The following CLEC16A variants were observed in gnomAD, a reference collection of about 807,000 sequenced individuals.
CLEC16A encodes C-type lectin domain containing 16A.
Under a neutral mutation model 109.5 loss-of-function variants are expected in CLEC16A, and 51 were observed. That is an observed-to-expected ratio of 0.47 (90% CI 0.37 to 0.59). The LOEUF is 0.59. CLEC16A is among the 20% of genes least tolerant of loss of function. The probability of loss-of-function intolerance (pLI) is 0.00; values close to 1 mark genes in which losing one functional copy is unlikely to be tolerated. For synonymous variants in CLEC16A, 673 were observed against 564.2 expected (o/e 1.19, Z -2.73); for missense variants, 1,339 against 1,394.0 (o/e 0.96, Z 0.63).
intron 19 of CLEC16A, among the ~76,000 whole-genome samples, chr16:11,075,317 G>A (rs2049286758): frequency 6.6e-6 from 1 of 152,072 alleles, no homozygotes; most frequent in Admixed American, 6.6e-5. Flanking sequence ...GGGCTTCCAG[G>A]GAGGGGCAGG....
chr16:10,967,213 G>C (rs993566468), intron 3 of CLEC16A, among the ~76,000 whole-genome samples: 92 of 152,296 alleles, frequency 6.0e-4, no homozygotes, highest in Non-Finnish European at 2.5e-4. Flanking sequence ...CCACACTGTG[G>C]CTTCCATCAC....
At chr16:11,034,129 T>C (rs2046894879) in intron 13 of CLEC16A, among the ~76,000 whole-genome samples, 1 of 152,232 alleles carries the variant, frequency 6.6e-6, no homozygotes, top group Non-Finnish European at 1.5e-5. Context: ...TGAAAGGTAA[T>C]AGGCTAAAGG....
intron 9 of CLEC16A, among the ~76,000 whole-genome samples, chr16:10,982,118 C>A (rs971010614): frequency 2.6e-5 from 4 of 152,204 alleles, no homozygotes; most frequent in African/African-American, 9.6e-5. Context: ...CACCCTCTTG[C>A]CTTTACATTT....
At chr16:11,078,010 T>TGTGTGTGTGTG (rs2049486702) in intron 19 of CLEC16A, among the ~76,000 whole-genome samples, 4 of 140,196 alleles carry the variant, frequency 2.9e-5, no homozygotes, top group African/African-American at 1.1e-4. Flanking sequence ...TGTGTGTGTG[T>TGTGTGTGTGTG]TTAGAGAAAT....
intron 22 of CLEC16A, among the ~76,000 whole-genome samples, chr16:11,146,649 A>G (rs1253913775): frequency 6.6e-6 from 1 of 151,078 alleles, no homozygotes; most frequent in Non-Finnish European, 1.5e-5. Context: ...GTGTACAGGG[A>G]TAGATAGAAG....
At chr16:11,011,785 A>G (rs2045432365) in intron 11 of CLEC16A, among the ~76,000 whole-genome samples, 1 of 152,102 alleles carries the variant, frequency 6.6e-6, no homozygotes, top group Non-Finnish European at 1.5e-5. Flanking sequence ...TATTTTAGAA[A>G]TCATATGTTC....
At chr16:10,981,801 GACATCTGTCAGGGGTTCTTA>G (rs2043336149) in intron 9 of CLEC16A, among the ~76,000 whole-genome samples, 1 of 152,236 alleles carries the variant, frequency 6.6e-6, no homozygotes, top group South Asian at 2.1e-4. Context: ...TCCTAACAGA[GACATCTGTCAGGGGTTCTTA>G]ACTAGGGGCA....
intron 1 of CLEC16A, among the ~76,000 whole-genome samples, 189 bp from the exon 2 acceptor site, chr16:10,957,593 T>A (rs1361205873): frequency 6.6e-6 from 1 of 152,254 alleles, no homozygotes; most frequent in East Asian, 1.9e-4. Context: ...TGTCCTTGGT[T>A]TAACCCTTCA....
chr16:11,109,528 C>A (rs1436825309), intron 19 of CLEC16A, among the ~76,000 whole-genome samples: 1 of 152,162 alleles, frequency 6.6e-6, no homozygotes, highest in Non-Finnish European at 1.5e-5. Flanking sequence ...CCGGTGAAAG[C>A]CAGCAATGCT....
At chr16:11,053,699 G>C (rs985644045) in intron 18 of CLEC16A, among the ~76,000 whole-genome samples, 27 of 152,150 alleles carry the variant, frequency 1.8e-4, no homozygotes, top group African/African-American at 6.0e-4. Context: ...TGCATGGAGA[G>C]GTCTGGTGAT....
At chr16:11,144,332 G>C (rs2053964089) in intron 22 of CLEC16A, among the ~76,000 whole-genome samples, 1 of 152,218 alleles carries the variant, frequency 6.6e-6, no homozygotes, top group Non-Finnish European at 1.5e-5. Context: ...GGCCTGCTCA[G>C]CTCAGCATAG....
At chr16:11,060,709 C>G (rs2048434573) in intron 18 of CLEC16A, among the ~76,000 whole-genome samples, 193 bp from the exon 19 acceptor site, 1 of 145,018 alleles carries the variant, frequency 6.9e-6, no homozygotes, top group Non-Finnish European at 1.5e-5. Context: ...AAACAGGCTA[C>G]TCCCCCTTTG....
In CLEC16A at chr16:11,041,899, C is replaced by A. The variant is rs545919138; in HGVS notation, c.1661-355C>A. 129 of 200,452 alleles carry A rather than the reference C, an allele frequency of 6.4e-4. 3 individuals carry two copies. The South Asian group carries it at 0.012, about 18-fold the overall frequency. 12.4% of individuals were successfully genotyped at this position (200,452 alleles called of 1,614,324 possible). A position where few individuals can be genotyped will look rare whatever the true frequency, so the allele number is the denominator to read the frequency against. ...TGGAACGGGGAAGGAGGATCAGCTC[C>A]ACCCAAATCACATGACCCAGAGTGG... On this transcript the variant is annotated intron_variant, in intron 14 of 23. Coordinates refer to ENST00000409790, the MANE Select transcript of CLEC16A (RefSeq NM_015226.3).
At chr16:11,008,521 C>T (rs1567188269) in intron 11 of CLEC16A, among the ~76,000 whole-genome samples, 1 of 152,070 alleles carries the variant, frequency 6.6e-6, no homozygotes, top group African/African-American at 2.4e-5. Flanking sequence ...TGCTGAGGGC[C>T]CTCAGGACTC....
chr16:11,008,826 TAA>T (rs35514760), intron 11 of CLEC16A, among the ~76,000 whole-genome samples: 103 of 86,266 alleles, frequency 1.2e-3, no homozygotes, highest in African/African-American at 3.7e-3. Context: ...CCGTCTCTAC[TAA>T]AAAAAAAAAA....
At chr16:11,037,302 C>T (rs547881145) in intron 13 of CLEC16A, among the ~76,000 whole-genome samples, 9 of 152,284 alleles carry the variant, frequency 5.9e-5, no homozygotes, top group African/African-American at 2.2e-4. Flanking sequence ...CCTTCGGGAT[C>T]ACCTGAAAGT....
At chr16:11,049,399 T>C in intron 17 of CLEC16A, among the ~76,000 whole-genome samples, 1 of 152,148 alleles carries the variant, frequency 6.6e-6, no homozygotes, top group East Asian at 1.9e-4. Flanking sequence ...CATGGGTCCA[T>C]ACACAACAAC....
At chr16:10,970,644 TC>T (rs1234977457) in intron 4 of CLEC16A, among the ~76,000 whole-genome samples, 2 of 151,922 alleles carry the variant, frequency 1.3e-5, no homozygotes, top group African/African-American at 4.8e-5. Context: ...CCTCAAGCAA[TC>T]CCCCCTCCTT....
intron 13 of CLEC16A, among the ~76,000 whole-genome samples, chr16:11,033,042 C>T (rs149437104): frequency 1.3e-5 from 2 of 151,806 alleles, no homozygotes; most frequent in African/African-American, 2.4e-5. Flanking sequence ...GAAGCTGTTG[C>T]AGTCATCCAG....
Sources: gnomAD v4.1 joint callset for allele counts (sites outside exome capture counted in the v4.1 genomes callset) on GRCh38, gnomAD v4.1.1 for gene constraint, MANE v1.5 for transcripts, NCBI Gene and HGNC (gene_info 2026-07-23, HGNC 2026-07-21) for gene names.